MAPKAP1: variants seen among roughly 807,000 people sequenced by gnomAD.
MAPKAP1 encodes the protein MAPK associated protein 1.
MAPKAP1 carries 20 observed loss-of-function variants against 65.7 expected under a neutral mutation model. That is an observed-to-expected ratio of 0.30 (90% CI 0.21 to 0.44). The LOEUF (loss-of-function observed/expected upper bound fraction) is 0.44, where lower values mean the gene tolerates loss of function less well. Ranked by LOEUF, MAPKAP1 falls within the 20% of genes least tolerant of loss-of-function variation. MAPKAP1 has a pLI of 1.00. For synonymous variants in MAPKAP1, 222 were observed against 244.3 expected, an observed-to-expected ratio of 0.91 and a Z score of 0.85; for missense variants, 423 against 648.0, an observed-to-expected ratio of 0.65 and a Z score of 3.77.
intron 9 of MAPKAP1, among the ~76,000 whole-genome samples, chr9:125,481,860 G>A (rs918166472): frequency 3.3e-5 from 5 of 151,984 alleles, no homozygotes; most frequent in African/African-American, 9.7e-5. Flanking sequence ...GCCAGGCGTG[G>A]TGGTTCACGC....
rs1420825063 is a variant in MAPKAP1 at position 125,438,042 on chromosome 9, G to A, written c.*845C>T. 2 of 256,954 alleles carry A rather than the reference G, an allele frequency of 7.8e-6. No individual in the cohort carries two copies. The highest frequency in any genetic ancestry group is 1.4e-4 in the East Asian group (2 of 14,360). 15.9% of individuals were successfully genotyped at this position (256,954 alleles called of 1,614,324 possible). A position where few individuals can be genotyped will look rare whatever the true frequency, so the allele number is the denominator to read the frequency against. On this transcript the variant is annotated 3_prime_UTR_variant, in exon 12 of 12. Coordinates refer to ENST00000265960, the MANE Select transcript of MAPKAP1 (RefSeq NM_001006617.3). ...TGGCCCCTTCCAAGGCAGCGAAGCAGAGAACATGCAGGTGGAACTGCCAGC... is the reference window on the plus strand; with the variant it reads ...TGGCCCCTTCCAAGGCAGCGAAGCAAAGAACATGCAGGTGGAACTGCCAGC...
At chr9:125,522,203 T>C (rs540943980) in intron 7 of MAPKAP1, among the ~76,000 whole-genome samples, 1 of 152,342 alleles carries the variant, frequency 6.6e-6, no homozygotes, top group East Asian at 1.9e-4. Context: ...CAGTGAATGG[T>C]TGGACCAGCC....
intron 7 of MAPKAP1, among the ~76,000 whole-genome samples, chr9:125,526,567 A>G (rs767437544): frequency 3.0e-4 from 46 of 152,218 alleles, no homozygotes; most frequent in Non-Finnish European, 5.3e-4. Context: ...ACAACTATTT[A>G]ATAATGATGT....
intron 4 of MAPKAP1, among the ~76,000 whole-genome samples, chr9:125,636,925 AC>A: frequency 6.6e-6 from 1 of 152,204 alleles, no homozygotes; most frequent in East Asian, 1.9e-4. Context: ...AGACATACAT[AC>A]ATGCAGATGA....
intron 1 of MAPKAP1, among the ~76,000 whole-genome samples, chr9:125,684,644 C>T (rs770492208): frequency 6.6e-6 from 1 of 152,208 alleles, no homozygotes; most frequent in African/African-American, 2.4e-5. Flanking sequence ...AAAGCCCAAA[C>T]AACTACAATA....
At chr9:125,704,303 C>T (rs1444725578) in intron 1 of MAPKAP1, among the ~76,000 whole-genome samples, 1 of 152,138 alleles carries the variant, frequency 6.6e-6, no homozygotes, top group Non-Finnish European at 1.5e-5. Flanking sequence ...AATCAGGATG[C>T]TAATAACACC....
In MAPKAP1 at chr9:125,587,679, A is replaced by C. The variant is rs78416866; in HGVS notation, c.499-1952T>G. On this transcript the variant is annotated intron_variant, in intron 4 of 11. Coordinates refer to ENST00000265960, the MANE Select transcript of MAPKAP1 (RefSeq NM_001006617.3). ...AATATTCACAAATCATATATCTCAT[A>C]AGGCTCTACTATCTAGAATACGTTA... Among the ~76,000 whole-genome samples, 936 of 152,338 alleles carry C rather than the reference A, an allele frequency of 6.1e-3. 19 individuals are homozygous for C. Among genetic ancestry groups the C allele is most frequent in the East Asian group, 0.052 (269 of 5,188 alleles).
Position 125,678,579 on chromosome 9 carries a change from A to T in MAPKAP1, c.-69-5936T>A, listed in dbSNP as rs576541542. The stretch of plus-strand genomic sequence containing the variant: ...ATATACTAGGTGGGTCTCCTTTTAC[A>T]CTTCAAATGAATAAATATTCAACAA... On this transcript the variant is annotated intron_variant, in intron 1 of 11. Transcript: ENST00000265960. 7.4e-4 allele frequency among the ~76,000 whole-genome samples: 112 copies of T among 152,204 alleles called. 1 individual carries two copies. Among genetic ancestry groups the T allele is most frequent in the African/African-American group, 2.5e-3 (105 of 41,538 alleles).
intron 4 of MAPKAP1, among the ~76,000 whole-genome samples, chr9:125,657,201 C>A (rs909980688): frequency 6.6e-6 from 1 of 152,144 alleles, no homozygotes; most frequent in African/African-American, 2.4e-5. Flanking sequence ...TAATCACAAT[C>A]TAACTAATCC....
At chr9:125,473,096 T>TA (rs1853979733) in intron 9 of MAPKAP1, among the ~76,000 whole-genome samples, 1 of 151,420 alleles carries the variant, frequency 6.6e-6, no homozygotes, top group South Asian at 2.1e-4. Flanking sequence ...TTTTTTTTTT[T>TA]AGCAGAATTT....
At chr9:125,522,844 C>T (rs1056963093) in intron 7 of MAPKAP1, among the ~76,000 whole-genome samples, 2 of 152,220 alleles carry the variant, frequency 1.3e-5, no homozygotes, top group African/African-American at 4.8e-5. Flanking sequence ...CCAAACTAGA[C>T]TCACTGTTCA....
At chr9:125,618,284 G>A (rs1009250464) in intron 4 of MAPKAP1, among the ~76,000 whole-genome samples, 2 of 131,050 alleles carry the variant, frequency 1.5e-5, no homozygotes, top group African/African-American at 5.7e-5. Flanking sequence ...TGAGGTTGCA[G>A]TGAGCTGAGA....
chr9:125,555,822 C>T (rs931840590), intron 6 of MAPKAP1, among the ~76,000 whole-genome samples: 1 of 152,172 alleles, frequency 6.6e-6, no homozygotes, highest in African/African-American at 2.4e-5. Flanking sequence ...TACCCACTGC[C>T]CATGTTCACT....
At chr9:125,524,338 G>C (rs1829703276) in intron 7 of MAPKAP1, among the ~76,000 whole-genome samples, 2 of 152,222 alleles carry the variant, frequency 1.3e-5, no homozygotes, top group Admixed American at 6.5e-5. Context: ...TCTAACTCAT[G>C]TGGTTATTAT....
At chr9:125,650,329 C>A (rs1374496740) in intron 4 of MAPKAP1, 1 of 152,220 alleles carries the variant, frequency 6.6e-6, no homozygotes, top group Non-Finnish European at 1.5e-5. Context: ...TTCCCCGTGC[C>A]ATGAGGTTAA....
intron 9 of MAPKAP1, among the ~76,000 whole-genome samples, chr9:125,472,834 G>T (rs911738670): frequency 7.9e-5 from 12 of 152,378 alleles, no homozygotes; most frequent in African/African-American, 2.9e-4. Context: ...ACTGGTGCCA[G>T]TGGCCAACTC....
intron 1 of MAPKAP1, among the ~76,000 whole-genome samples, chr9:125,693,133 C>A (rs1160707841): frequency 6.6e-6 from 1 of 152,070 alleles, no homozygotes; most frequent in East Asian, 1.9e-4. Context: ...AGAAAACAGG[C>A]CGGGCACAGT....
At chr9:125,563,191 T>G (rs771640898) in intron 5 of MAPKAP1, among the ~76,000 whole-genome samples, 4 of 152,126 alleles carry the variant, frequency 2.6e-5, no homozygotes, top group Non-Finnish European at 5.9e-5. Context: ...AATAAAAAAC[T>G]GGTGGACTTT....
intron 6 of MAPKAP1, among the ~76,000 whole-genome samples, chr9:125,545,768 A>T (rs1023690345): frequency 6.6e-6 from 1 of 152,094 alleles, no homozygotes; most frequent in African/African-American, 2.4e-5. Context: ...CCCAGTCTGT[A>T]TTTTTCTGTC....
Sources: allele counts gnomAD v4.1 joint callset (sites outside exome capture counted in the v4.1 genomes callset), GRCh38; gene constraint gnomAD v4.1.1; transcripts MANE v1.5; gene names NCBI Gene and HGNC (gene_info 2026-07-23, HGNC 2026-07-21).